Variants in MAGI2 observed in about 807,000 individuals in gnomAD.
MAGI2 encodes the protein membrane-associated guanylate kinase, WW and PDZ domain-containing protein 2.
In MAGI2, 35 loss-of-function variants were observed where a neutral mutation model predicts 133.3. That is an observed-to-expected ratio of 0.26 (90% CI 0.20 to 0.35). MAGI2 has a LOEUF of 0.35. MAGI2 is among the 10% of genes least tolerant of loss of function. The probability of loss-of-function intolerance (pLI) is 1.00; values close to 1 mark genes in which losing one functional copy is unlikely to be tolerated. For synonymous variants in MAGI2, 729 were observed against 710.6 expected, an observed-to-expected ratio of 1.03 and a Z score of -0.41; for missense variants, 1,636 against 1,863.4, an observed-to-expected ratio of 0.88 and a Z score of 2.25.
chr7:79,196,518 A>G (rs1239248919), intron 1 of MAGI2, among the ~76,000 whole-genome samples: 1 of 151,902 alleles, frequency 6.6e-6, no homozygotes, highest in African/African-American at 2.4e-5. Context: ...TAACTACTTA[A>G]TATTATCTTA....
intron 2 of MAGI2, among the ~76,000 whole-genome samples, chr7:78,648,049 G>A (rs1310918822): frequency 6.6e-6 from 1 of 152,098 alleles, no homozygotes; most frequent in Non-Finnish European, 1.5e-5. Context: ...TAATGTAAAT[G>A]ACAAGTTGAC....
chr7:78,549,376 A>G (rs78812501), intron 3 of MAGI2, among the ~76,000 whole-genome samples: 5,336 of 151,776 alleles, frequency 0.035, 333 homozygotes, highest in African/African-American at 0.12. Flanking sequence ...CAACTACTGC[A>G]TTCACCTTTG....
chr7:78,406,399 T>C (rs1363749212), intron 6 of MAGI2, among the ~76,000 whole-genome samples: 1 of 152,104 alleles, frequency 6.6e-6, no homozygotes, highest in Non-Finnish European at 1.5e-5. Context: ...ATACAGGGCA[T>C]GCATTTTTCC....
chr7:78,067,652 A>C lies in MAGI2; in HGVS notation c.3706+11295T>G, dbSNP rs563683943. 1.3e-4 allele frequency among the ~76,000 whole-genome samples: 20 copies of C among 152,356 alleles called. No homozygotes were observed. In the South Asian group the frequency reaches 4.1e-3, roughly 32 times the overall value. ...TATTAAAAAAATATTGAATCCAAACAGCACATTGATGAATGTGTGATTCTT... is the reference window on the plus strand; with the variant it reads ...TATTAAAAAAATATTGAATCCAAACCGCACATTGATGAATGTGTGATTCTT... On this transcript the variant is annotated intron_variant, in intron 21 of 21. Coordinates refer to ENST00000354212, the MANE Select transcript of MAGI2 (RefSeq NM_012301.4).
At chr7:78,492,779 A>G (rs1336667461) in intron 5 of MAGI2, among the ~76,000 whole-genome samples, 3 of 152,200 alleles carry the variant, frequency 2.0e-5, no homozygotes, top group Non-Finnish European at 4.4e-5. Context: ...GAAAATGCCA[A>G]TGCTATATAA....
At chr7:78,058,280 G>A (rs1812855727) in intron 21 of MAGI2, among the ~76,000 whole-genome samples, 1 of 151,814 alleles carries the variant, frequency 6.6e-6, no homozygotes, top group Admixed American at 6.6e-5. Context: ...TAGCAGGAAG[G>A]TGACACAGAG....
intron 10 of MAGI2, among the ~76,000 whole-genome samples, chr7:78,219,197 T>C (rs1416978280): frequency 6.6e-6 from 1 of 152,162 alleles, no homozygotes; most frequent in East Asian, 1.9e-4. Flanking sequence ...TCCCTCTCTC[T>C]CATGGTTTTA....
intron 1 of MAGI2, among the ~76,000 whole-genome samples, chr7:79,171,770 ATTTT>A (rs144599296): frequency 0.031 from 974 of 31,162 alleles, 32 homozygotes; most frequent in African/African-American, 0.055. Context: ...ATATATATAT[ATTTT>A]TTTTTTTTTT....
At chr7:79,181,442 C>T (rs1486894519) in intron 1 of MAGI2, among the ~76,000 whole-genome samples, 2 of 151,924 alleles carry the variant, frequency 1.3e-5, no homozygotes, top group African/African-American at 4.8e-5. Flanking sequence ...CTATCTTGAC[C>T]CCTGTTAGTC....
At chr7:79,367,448 T>C (rs1177317784) in intron 1 of MAGI2, among the ~76,000 whole-genome samples, 1 of 152,132 alleles carries the variant, frequency 6.6e-6, no homozygotes, top group African/African-American at 2.4e-5. Context: ...GATCAGGCAA[T>C]GCAGCAGAGA....
At chr7:78,706,847 G>A (rs925745327) in intron 2 of MAGI2, among the ~76,000 whole-genome samples, 2 of 151,984 alleles carry the variant, frequency 1.3e-5, no homozygotes, top group African/African-American at 2.4e-5. Context: ...ATTAGAAATG[G>A]GAAAATAGCA....
chr7:78,734,423 G>C (rs1821653206), intron 2 of MAGI2, among the ~76,000 whole-genome samples: 1 of 152,102 alleles, frequency 6.6e-6, no homozygotes. Context: ...TTATGTTCTT[G>C]ACCTACCTCA....
At chr7:78,805,193 A>G (rs561662792) in intron 2 of MAGI2, among the ~76,000 whole-genome samples, 22 of 151,800 alleles carry the variant, frequency 1.4e-4, no homozygotes, top group South Asian at 1.2e-3. Context: ...AGTTTTGACA[A>G]TAGATATTTT....
chr7:78,401,425 T>G (rs1796849783), intron 6 of MAGI2, among the ~76,000 whole-genome samples: 2 of 152,246 alleles, frequency 1.3e-5, no homozygotes, highest in Admixed American at 1.3e-4. Flanking sequence ...TTACTAGACA[T>G]GTGAATTCTT....
chr7:79,378,401 G>A (rs1258054169), intron 1 of MAGI2, among the ~76,000 whole-genome samples: 1 of 151,632 alleles, frequency 6.6e-6, no homozygotes, highest in East Asian at 1.9e-4. Context: ...CTGAGATACT[G>A]GGAGGACAGA....
chr7:79,119,044 T>A (rs1819653568), intron 1 of MAGI2, among the ~76,000 whole-genome samples: 1 of 152,126 alleles, frequency 6.6e-6, no homozygotes. Context: ...GAGTTTCAGT[T>A]CTAAATGTTT....
intron 3 of MAGI2, among the ~76,000 whole-genome samples, chr7:78,578,368 A>G (rs1584716748): frequency 6.6e-6 from 1 of 152,158 alleles, no homozygotes; most frequent in East Asian, 1.9e-4. Flanking sequence ...CATAGAGCAA[A>G]TGGAAACCAA....
intron 1 of MAGI2, among the ~76,000 whole-genome samples, chr7:79,121,104 CA>C (rs941531081): frequency 1.3e-5 from 2 of 151,752 alleles, no homozygotes; most frequent in Non-Finnish European, 2.9e-5. Flanking sequence ...ATTAGTAAAG[CA>C]AAAAACACAG....
At chr7:78,238,523 A>G (rs1214135793) in intron 10 of MAGI2, among the ~76,000 whole-genome samples, 1 of 144,102 alleles carries the variant, frequency 6.9e-6, no homozygotes, top group Non-Finnish European at 1.6e-5. Flanking sequence ...CAAAATAACG[A>G]GAACCTGTCT....
Sources: allele counts gnomAD v4.1 joint callset (sites outside exome capture counted in the v4.1 genomes callset), GRCh38; gene constraint gnomAD v4.1.1; transcripts MANE v1.5; gene names NCBI Gene and HGNC (gene_info 2026-07-23, HGNC 2026-07-21).